The following ZNF568 variants were observed in gnomAD, a reference collection of about 807,000 sequenced individuals.
ZNF568 encodes p53 inhibitor of SCO2 activation.
A neutral mutation model predicts 18.1 loss-of-function variants in ZNF568; 11 were observed. That is an observed-to-expected ratio of 0.61 (90% confidence interval 0.38 to 1.00). The LOEUF (loss-of-function observed/expected upper bound fraction) is 1.00. Among genes scored for constraint, ZNF568 ranks in the 50% least tolerant of loss-of-function variants. The pLI is 0.01. For synonymous variants in ZNF568, 213 were observed against 246.6 expected (o/e 0.86, Z 1.28); for missense variants, 639 against 768.2 (o/e 0.83, Z 1.99).
intron 6 of ZNF568, among the ~76,000 whole-genome samples, chr19:36,974,149 T>C (rs2074261021): frequency 1.3e-5 from 2 of 152,092 alleles, no homozygotes. Context: ...CCACAGACTT[T>C]TGGGCTCAGT....
chr19:36,953,625 G>T (rs559771585), downstream of ZNF568, among the ~76,000 whole-genome samples: 21 of 152,272 alleles, frequency 1.4e-4, no homozygotes, highest in African/African-American at 4.6e-4. Flanking sequence ...TTAAAAAGGA[G>T]ATAGGGCCAG....
chr19:36,927,575 GTGTT>G (rs1346143240), intron 4 of ZNF568, among the ~76,000 whole-genome samples: 3 of 151,578 alleles, frequency 2.0e-5, no homozygotes, highest in Non-Finnish European at 4.4e-5. Flanking sequence ...TTGTGTGTGT[GTGTT>G]TTACATTGGT....
At chr19:36,964,134 C>CAGGA (rs138528981) in intron 6 of ZNF568, among the ~76,000 whole-genome samples, 30,066 of 150,382 alleles carry the variant, frequency 0.2, 3,119 homozygotes, top group African/African-American at 0.27. Context: ...TGTAAGATCT[C>CAGGA]AGGAAGGAAG....
chr19:36,942,507 G>A (rs1227503343), intron 6 of ZNF568, among the ~76,000 whole-genome samples: 2 of 148,018 alleles, frequency 1.4e-5, no homozygotes, highest in African/African-American at 5.0e-5. Flanking sequence ...GCTGAGACAG[G>A]AGAATGGCGT....
rs922389678 is a variant in ZNF568, at chr19:36,925,233, A to G, written c.110A>G (p.Glu37Gly). 1 of 1,614,112 alleles carries G rather than the reference A, an allele frequency of 6.2e-7. No individual in the cohort carries two copies. The change falls in exon 4 of 7, where the codon GAA (glutamate) becomes GGA (glycine). Residue 37 changes from glutamate to glycine, a missense_variant. Coordinates refer to ENST00000333987, the MANE Select transcript of ZNF568 (RefSeq NM_198539.4). ...TCTCAAGAGTCTGCCCTTTCCGAGG[A>G]AGAAGAGGATACAACCAGGCCTCTT... ...WCSQESALSEEEEDTTRPLET... is the reference protein window; with the variant it reads ...WCSQESALSEGEEDTTRPLET...
intron 6 of ZNF568, among the ~76,000 whole-genome samples, chr19:36,958,259 G>A (rs1001060096): frequency 6.6e-6 from 1 of 152,114 alleles, no homozygotes; most frequent in Non-Finnish European, 1.5e-5. Flanking sequence ...TGTTTCTCCT[G>A]GTTTTGGTAT....
intron 4 of ZNF568, among the ~76,000 whole-genome samples, chr19:36,928,854 A>G (rs927392317): frequency 2.0e-5 from 3 of 152,192 alleles, no homozygotes; most frequent in African/African-American, 7.2e-5. Context: ...GAGGATTTGA[A>G]CAAATTTTTT....
At chr19:36,939,414 A>G (rs505717) in intron 6 of ZNF568, among the ~76,000 whole-genome samples, 55,060 of 151,970 alleles carry the variant, frequency 0.36, 10,263 homozygotes, top group African/African-American at 0.41. Flanking sequence ...GATAAGAAAC[A>G]GGAACTGCTA....
chr19:36,989,124 G>T (rs980141584), intron 2 of ZNF568, among the ~76,000 whole-genome samples: 5 of 152,086 alleles, frequency 3.3e-5, no homozygotes, highest in Admixed American at 2.6e-4. Flanking sequence ...CTTCCCCAGG[G>T]ACTTGTTCCC....
rs1283674042 is a variant in ZNF568 at position 36,938,082 on chromosome 19, A to G, written c.358+840A>G. 2.0e-5 allele frequency among the ~76,000 whole-genome samples: 3 copies of G among 152,124 alleles called. No homozygotes were observed. In the East Asian group the frequency reaches 5.8e-4, roughly 29 times the overall value. The stretch of plus-strand genomic sequence containing the variant: ...CAGAGAAAAACCTGTTGGAATTTTT[A>G]TTGGGATTGTGCTAAATATATAAAT... On this transcript the variant is annotated intron_variant, in intron 6 of 6. Coordinates refer to ENST00000333987, the MANE Select transcript of ZNF568 (RefSeq NM_198539.4).
At chr19:36,979,463 C>T (rs2074313773) in exon 8 of ZNF568, 1 of 152,066 alleles carries the variant, frequency 6.6e-6, no homozygotes, top group African/African-American at 2.4e-5. Context: ...TCTGTTATTC[C>T]GAATCTTGTG....
rs78457568 is a variant in ZNF568, at chr19:36,933,131, T to C, written c.136-3615T>C. Among the ~76,000 whole-genome samples, 305 of 141,442 alleles carry C rather than the reference T, an allele frequency of 2.2e-3. 3 individuals are homozygous for C. Among genetic ancestry groups the C allele is most frequent in the African/African-American group, 7.8e-3 (298 of 38,048 alleles). 92.8% of individuals were successfully genotyped at this position (141,442 alleles called of 152,430 possible). A position where few individuals can be genotyped will look rare whatever the true frequency, so the allele number is the denominator to read the frequency against. On this transcript the variant is annotated intron_variant, in intron 4 of 6. Coordinates refer to ENST00000333987, the MANE Select transcript of ZNF568 (RefSeq NM_198539.4). Reference sequence around the variant, plus strand: ...AATTGAAGGTCATAATTTACAACTATGTATTCTGAGACCTTTTTTTTTTTT... The same window carrying C: ...AATTGAAGGTCATAATTTACAACTACGTATTCTGAGACCTTTTTTTTTTTT...
chr19:36,931,357 T>C (rs2073683191), intron 4 of ZNF568, among the ~76,000 whole-genome samples: 1 of 152,178 alleles, frequency 6.6e-6, no homozygotes, highest in Non-Finnish European at 1.5e-5. Context: ...AATCAATTTA[T>C]CACAGTAATA....
In ZNF568 at chr19:36,951,667, A is replaced by ATTT. The variant is rs1283787840; in HGVS notation, c.*581_*582insTTT. On this transcript the variant is annotated 3_prime_UTR_variant, in exon 7 of 7. Coordinates refer to ENST00000333987, the MANE Select transcript of ZNF568 (RefSeq NM_198539.4). ...CATTACGACATACTAAAAAATCAAT[A>ATTT]TTCTTTTTTTTTTTTTTTTTTTTTT... is the stretch of plus-strand genomic sequence containing the variant. 6.8e-5 allele frequency: 8 copies of ATTT among 117,122 alleles called. No individual in the cohort carries two copies. Among genetic ancestry groups the ATTT allele is most frequent in the South Asian group, 2.8e-4 (1 of 3,588 alleles). 7.3% of individuals were successfully genotyped at this position (117,122 alleles called of 1,614,324 possible).
At chr19:36,970,966 G>C (rs2074231133) in intron 6 of ZNF568, among the ~76,000 whole-genome samples, 1 of 152,026 alleles carries the variant, frequency 6.6e-6, no homozygotes, top group South Asian at 2.1e-4. Context: ...CCCAGGCCTG[G>C]GCACGGTGGC....
At chr19:36,969,646 C>T (rs2074221308) in intron 6 of ZNF568, among the ~76,000 whole-genome samples, 2 of 152,016 alleles carry the variant, frequency 1.3e-5, no homozygotes, top group South Asian at 2.1e-4. Context: ...GCTTATGGCA[C>T]TTTCCTCCGT....
At position 36,950,145 on chromosome 19, in the gene ZNF568, A is replaced by G; in HGVS notation, c.992A>G (p.Glu331Gly). 6.2e-7 allele frequency: 1 copy of G among 1,614,020 alleles called. No individual in the cohort carries two copies. Among genetic ancestry groups the G allele is most frequent in the South Asian group, 1.1e-5 (1 of 91,082 alleles). ...GAACATGAGCGAATTCACACTGGAGAGAAACCCTATGAATGTAAGGAATGT... is the reference window on the plus strand; with the variant it reads ...GAACATGAGCGAATTCACACTGGAGGGAAACCCTATGAATGTAAGGAATGT... Reference protein sequence around the residue: ...LIEHERIHTGEKPYECKECGK... With the variant: ...LIEHERIHTGGKPYECKECGK... The change falls in exon 7 of 7, where the codon GAG (glutamate) becomes GGG (glycine). Residue 331 changes from glutamate to glycine, a missense_variant. Coordinates refer to ENST00000333987, the MANE Select transcript of ZNF568 (RefSeq NM_198539.4).
At chr19:36,936,982 A>G in intron 5 of ZNF568, 110 bp downstream of exon 5, 1 of 1,415,688 alleles carries the variant, frequency 7.1e-7, no homozygotes, top group Non-Finnish European at 9.7e-7. Context: ...TCTCCATGTG[A>G]CTATATGTGC....
chr19:36,964,134 CAGGAAGGAAGGA>C (rs138528981), intron 6 of ZNF568, among the ~76,000 whole-genome samples: 3 of 150,432 alleles, frequency 2.0e-5, no homozygotes, highest in Non-Finnish European at 4.4e-5. Context: ...TGTAAGATCT[CAGGAAGGAAGGA>C]AGGAAGGAAG....
Sources: allele counts gnomAD v4.1 joint callset (sites outside exome capture counted in the v4.1 genomes callset), GRCh38; gene constraint gnomAD v4.1.1; transcripts MANE v1.5; gene names NCBI Gene and HGNC (gene_info 2026-07-23, HGNC 2026-07-21).